The following WDFY3 variants were observed in gnomAD, a reference collection of about 807,000 sequenced individuals.
WDFY3 encodes WD repeat and FYVE domain containing 3.
A neutral mutation model predicts 409.6 loss-of-function variants in WDFY3; 66 were observed. That is an observed-to-expected ratio of 0.16 (90% CI 0.13 to 0.20). The LOEUF (loss-of-function observed/expected upper bound fraction) is 0.20. WDFY3 is among the 10% of genes least tolerant of loss of function. The pLI, the probability that WDFY3 is intolerant of heterozygous loss-of-function variation, is 1.00. For missense variants in WDFY3, 3,031 were observed against 4,298.1 expected, an observed-to-expected ratio of 0.71 and a Z score of 8.24; for synonymous variants, 1,521 against 1,537.1, an observed-to-expected ratio of 0.99 and a Z score of 0.25.
intron 2 of WDFY3, among the ~76,000 whole-genome samples, chr4:84,914,800 CAA>C (rs1240277196): frequency 6.6e-6 from 1 of 152,114 alleles, no homozygotes; most frequent in African/African-American, 2.4e-5. Flanking sequence ...AAAAGTTAAA[CAA>C]AGAGTTACCA....
chr4:84,920,202 T>C (rs748415646), intron 2 of WDFY3, among the ~76,000 whole-genome samples: 4 of 152,168 alleles, frequency 2.6e-5, no homozygotes, highest in Admixed American at 6.5e-5. Flanking sequence ...ACGCAAGATA[T>C]GATCATTGAC....
chr4:84,917,193 T>A (rs1242555626), intron 2 of WDFY3, among the ~76,000 whole-genome samples: 3 of 152,160 alleles, frequency 2.0e-5, no homozygotes, highest in African/African-American at 7.2e-5. Context: ...TGACCTATTA[T>A]CTTTTTTCTA....
At chr4:84,740,939 T>C (rs1386653558) in intron 38 of WDFY3, among the ~76,000 whole-genome samples, 1 of 152,196 alleles carries the variant, frequency 6.6e-6, no homozygotes, top group Non-Finnish European at 1.5e-5. Context: ...TAACAAAACA[T>C]GTAACAATTA....
chr4:84,774,794 G>A (rs764845044), intron 29 of WDFY3, 26 bp downstream of exon 29: 8 of 1,573,192 alleles, frequency 5.1e-6, no homozygotes, highest in Admixed American at 2.0e-5. Flanking sequence ...TTAATAAAAA[G>A]ACAAAGACAA....
intron 40 of WDFY3, among the ~76,000 whole-genome samples, chr4:84,738,277 G>C (rs1737804373): frequency 1.3e-5 from 2 of 151,956 alleles, no homozygotes; most frequent in Admixed American, 1.3e-4. Flanking sequence ...ATCCTTACAG[G>C]ATTAGTGGGA....
chr4:84,809,985 C>T lies in WDFY3; in HGVS notation c.2247G>A (p.Glu749=), dbSNP rs200166265. 129 of 1,614,124 alleles carry T rather than the reference C, an allele frequency of 8.0e-5. No individual in the cohort carries two copies. The African/African-American group carries it at 1.7e-3, about 21-fold the overall frequency. The stretch of plus-strand genomic sequence containing the variant: ...CTGATTCTATTGAGATTACATCTTC[C>T]TCTAAAAGTCTTTGAAATGGCTGTG... ...SNTQPFQRLL[E]EDVISIESVS... The change falls in exon 14 of 68, where the codon GAG becomes GAA. Residue 749 remains glutamate (E), a synonymous_variant. Transcript: ENST00000295888.
Position 84,756,942 on chromosome 4 carries a change from C to T in WDFY3, c.5408G>A (p.Ser1803Asn). The change falls in exon 33 of 68, where the codon AGT becomes AAT. Residue 1803 changes from serine (S) to asparagine (N), a missense_variant. Physicochemically the swap from Ser to Asn is conservative, Grantham distance 46. Around this residue, in one of 16 missense-constraint regions of WDFY3, gnomAD observed 342 missense variants for 463.7 expected, o/e 0.74. Coordinates refer to ENST00000295888, the MANE Select transcript of WDFY3 (RefSeq NM_014991.6). ...QVSVPVISCRSKQGCQFDLDS... is the reference protein window; with the variant it reads ...QVSVPVISCRNKQGCQFDLDS... ...AATTCCTACCTGGCAACCCTGCTTACTCCGGCAGCTGATGACAGGCACACT... is the reference window on the plus strand; with the variant it reads ...AATTCCTACCTGGCAACCCTGCTTATTCCGGCAGCTGATGACAGGCACACT... The T allele has an allele frequency of 6.2e-7, 1 of 1,613,928 alleles. No individual in the cohort carries two copies. The highest frequency in any genetic ancestry group is 8.5e-7 in the Non-Finnish European group (1 of 1,179,872).
chr4:84,852,442 A>G (rs1258946062), intron 4 of WDFY3, among the ~76,000 whole-genome samples: 1 of 152,238 alleles, frequency 6.6e-6, no homozygotes, highest in African/African-American at 2.4e-5. Context: ...ATCCCAATAA[A>G]AGAATATAAC....
intron 57 of WDFY3, 82 bp downstream of exon 57, chr4:84,696,650 C>G: frequency 1.4e-6 from 2 of 1,396,164 alleles, no homozygotes; most frequent in Non-Finnish European, 2.0e-6. Context: ...ACAGGTGGTA[C>G]TCTGGCTAGA....
chr4:84,831,452 G>A lies in WDFY3; in HGVS notation c.730C>T (p.Arg244Cys). 6.2e-7 allele frequency: 1 copy of A among 1,613,634 alleles called. No individual in the cohort carries two copies. Among genetic ancestry groups the A allele is most frequent in the Non-Finnish European group, 8.5e-7 (1 of 1,179,770 alleles). Residue 244 changes from arginine to cysteine, a missense_variant, in exon 8 of 68, where the codon CGT (arginine) becomes TGT (cysteine). Around this residue, in one of 16 missense-constraint regions of WDFY3, gnomAD observed 1,322 missense variants for 1,697.9 expected, o/e 0.78. Coordinates refer to ENST00000295888, the MANE Select transcript of WDFY3 (RefSeq NM_014991.6). ...ACTACATTGACACTAAGACCATGAC[G>A]AGATATGGTCATGAGGACTTCTCCA... ...SAGEVLMTIS[R>C]HGLSVNVVKY...
At chr4:84,875,484 T>C (rs1374666523) in intron 3 of WDFY3, among the ~76,000 whole-genome samples, 1 of 152,178 alleles carries the variant, frequency 6.6e-6, no homozygotes, top group Admixed American at 6.5e-5. Flanking sequence ...CACTGTACAC[T>C]GAGGTTACAC....
intron 1 of WDFY3, among the ~76,000 whole-genome samples, chr4:84,933,089 C>T (rs1770974002): frequency 6.6e-6 from 1 of 152,114 alleles, no homozygotes; most frequent in Non-Finnish European, 1.5e-5. Flanking sequence ...TGGACTAATT[C>T]CTAGGGGCCT....
At chr4:84,825,524 T>A (rs1217517669) in intron 10 of WDFY3, among the ~76,000 whole-genome samples, 1 of 151,968 alleles carries the variant, frequency 6.6e-6, no homozygotes, top group Non-Finnish European at 1.5e-5. Flanking sequence ...ATTTTTTTCT[T>A]GATAGTAAAT....
At chr4:84,885,262 C>T (rs1050264156) in intron 3 of WDFY3, among the ~76,000 whole-genome samples, 6 of 151,794 alleles carry the variant, frequency 4.0e-5, no homozygotes, top group Non-Finnish European at 7.4e-5. Flanking sequence ...GCCTTGGCCT[C>T]CCTAAGTGCT....
At chr4:84,717,357 A>C (rs949323558) in intron 48 of WDFY3, among the ~76,000 whole-genome samples, 2 of 152,230 alleles carry the variant, frequency 1.3e-5, no homozygotes, top group African/African-American at 2.4e-5. Flanking sequence ...TTTAGGTAGA[A>C]AAACACATTT....
chr4:84,706,578 C>G (rs1265329132), intron 53 of WDFY3, among the ~76,000 whole-genome samples: 1 of 149,836 alleles, frequency 6.7e-6, no homozygotes, highest in South Asian at 2.1e-4. Flanking sequence ...AACATAGGTA[C>G]CATGTTATAC....
intron 44 of WDFY3, among the ~76,000 whole-genome samples, chr4:84,731,060 G>C (rs951099943): frequency 5.3e-5 from 8 of 152,124 alleles, no homozygotes; most frequent in Admixed American, 4.6e-4. Context: ...GCCTCCCAAA[G>C]TGCTGGGATT....
At chr4:84,788,222 C>G (rs1747875246) in intron 22 of WDFY3, among the ~76,000 whole-genome samples, 1 of 152,106 alleles carries the variant, frequency 6.6e-6, no homozygotes, top group Non-Finnish European at 1.5e-5. Flanking sequence ...CTTGCTGAAG[C>G]AGCTTAATGG....
intron 2 of WDFY3, among the ~76,000 whole-genome samples, chr4:84,908,226 A>G (rs1767303672): frequency 1.3e-5 from 2 of 152,206 alleles, no homozygotes; most frequent in African/African-American, 2.4e-5. Flanking sequence ...GTTAAAAGGA[A>G]ACTGCAGCTA....
Sources: allele counts gnomAD v4.1 joint callset (sites outside exome capture counted in the v4.1 genomes callset), GRCh38; gene constraint gnomAD v4.1.1; regional missense constraint gnomAD v4.1.1; transcripts MANE v1.5; gene names NCBI Gene and HGNC (gene_info 2026-07-23, HGNC 2026-07-21).